PALLD: variants seen among roughly 807,000 people sequenced by gnomAD.
PALLD encodes the protein palladin, cytoskeletal associated protein.
In PALLD, 61 loss-of-function variants were observed where a neutral mutation model predicts 123.5. The ratio of observed to expected loss-of-function variants is 0.49; its 90% CI spans 0.40 to 0.61. PALLD has a LOEUF of 0.61. PALLD is among the 20% of genes least tolerant of loss of function. The probability of loss-of-function intolerance (pLI) is 0.00; values close to 1 mark genes in which losing one functional copy is unlikely to be tolerated. For synonymous variants in PALLD, 465 were observed against 496.4 expected (o/e 0.94, Z 0.84); for missense variants, 1,273 against 1,377.0 (o/e 0.92, Z 1.20).
intron 10 of PALLD, among the ~76,000 whole-genome samples, chr4:168,762,532 C>T (rs1733092249): frequency 1.3e-5 from 2 of 152,130 alleles, no homozygotes; most frequent in Admixed American, 1.3e-4. Context: ...ACAACAGATG[C>T]TGGAGAGGAT....
chr4:168,816,817 C>CGTGTGTGTGTGT (rs61010592), intron 10 of PALLD, among the ~76,000 whole-genome samples: 1 of 111,028 alleles, frequency 9.0e-6, no homozygotes, highest in Non-Finnish European at 1.8e-5. Context: ...GAGCTAGCCC[C>CGTGTGTGTGTGT]GTGTGTGTGT....
intron 10 of PALLD, among the ~76,000 whole-genome samples, chr4:168,816,283 G>C (rs1741900734): frequency 6.6e-6 from 1 of 151,964 alleles, no homozygotes; most frequent in Admixed American, 6.6e-5. Context: ...ACACAAGAGA[G>C]CAAAGGGAAC....
At chr4:168,859,453 G>A (rs1197956999) in intron 10 of PALLD, among the ~76,000 whole-genome samples, 2 of 152,236 alleles carry the variant, frequency 1.3e-5, no homozygotes, top group Admixed American at 6.5e-5. Flanking sequence ...TGCTGACCAT[G>A]TGTGGATGTC....
chr4:168,529,671 G>GAT (rs1301930475), intron 2 of PALLD, among the ~76,000 whole-genome samples: 1 of 152,108 alleles, frequency 6.6e-6, no homozygotes, highest in Non-Finnish European at 1.5e-5. Flanking sequence ...CAATTACATG[G>GAT]CTTCTGTAGT....
chr4:168,524,307 G>A (rs1763844323), intron 2 of PALLD, among the ~76,000 whole-genome samples: 1 of 152,140 alleles, frequency 6.6e-6, no homozygotes. Context: ...GTGATTTCAT[G>A]TTAGATTCAG....
At position 168,683,004 on chromosome 4, in the gene PALLD, A is replaced by G. The variant is rs1242036552; in HGVS notation, c.1161A>G (p.Gln387=). ...TCACCTTCCTATTTTCCAGAGCTCA[A>G]AAGAAAACAACTTCTGTTTCCTTGA... ...KSRAGAMPQA[Q]KKTTSVSLTI... The change falls in exon 5 of 22, where the codon CAA becomes CAG. Residue 387 remains glutamine, a synonymous_variant. Coordinates refer to ENST00000505667, the MANE Select transcript of PALLD (RefSeq NM_001166108.2). 1.9e-6 allele frequency: 3 copies of G among 1,604,486 alleles called. No individual in the cohort carries two copies. Among genetic ancestry groups the G allele is most frequent in the Non-Finnish European group, 2.6e-6 (3 of 1,171,340 alleles).
chr4:168,793,172 T>C (rs576232037), intron 10 of PALLD, among the ~76,000 whole-genome samples: 6 of 132,056 alleles, frequency 4.5e-5, no homozygotes, highest in East Asian at 4.4e-4. Flanking sequence ...CATATATATG[T>C]GTGCATATAT....
At chr4:168,784,973 C>T (rs982066679) in intron 10 of PALLD, among the ~76,000 whole-genome samples, 1 of 148,924 alleles carries the variant, frequency 6.7e-6, no homozygotes, top group Non-Finnish European at 1.5e-5. Flanking sequence ...CTGAGGAATG[C>T]TTCTGGTTGT....
intron 10 of PALLD, among the ~76,000 whole-genome samples, chr4:168,790,154 G>A (rs1335660241): frequency 2.7e-5 from 4 of 146,368 alleles, no homozygotes; most frequent in African/African-American, 1.0e-4. Flanking sequence ...AGATTTTGTG[G>A]TTTCTTTTTT....
chr4:168,906,704 A>T (rs1385002746), intron 15 of PALLD, among the ~76,000 whole-genome samples: 1 of 152,212 alleles, frequency 6.6e-6, no homozygotes, highest in African/African-American at 2.4e-5. Flanking sequence ...GGCTCACTGC[A>T]GCTTAGAACT....
intron 2 of PALLD, among the ~76,000 whole-genome samples, chr4:168,634,708 G>A (rs1392593284): frequency 1.3e-5 from 2 of 152,180 alleles, no homozygotes; most frequent in Non-Finnish European, 2.9e-5. Context: ...GTGATTTGGG[G>A]CTGGTTAGAG....
intron 2 of PALLD, among the ~76,000 whole-genome samples, chr4:168,542,958 C>T (rs1404182319): frequency 1.3e-5 from 2 of 151,656 alleles, no homozygotes; most frequent in Non-Finnish European, 2.9e-5. Context: ...AGACCTCTGC[C>T]TCTTCCATTT....
intron 2 of PALLD, among the ~76,000 whole-genome samples, chr4:168,649,501 T>TG (rs1293102482): frequency 6.6e-6 from 1 of 152,218 alleles, no homozygotes; most frequent in Non-Finnish European, 1.5e-5. Context: ...AGACATTAGT[T>TG]GCCTGCATCC....
chr4:168,613,442 T>C (rs1279387940), intron 2 of PALLD, among the ~76,000 whole-genome samples: 1 of 152,206 alleles, frequency 6.6e-6, no homozygotes, highest in Non-Finnish European at 1.5e-5. Flanking sequence ...AGCCTCAATC[T>C]TTACCTGTCC....
chr4:168,621,731 C>T (rs1335006975), intron 2 of PALLD, among the ~76,000 whole-genome samples: 1 of 152,174 alleles, frequency 6.6e-6, no homozygotes, highest in Non-Finnish European at 1.5e-5. Flanking sequence ...GCCAACCTCT[C>T]TCTTGGCAGG....
intron 2 of PALLD, among the ~76,000 whole-genome samples, chr4:168,659,978 G>T (rs762188130): frequency 1.3e-4 from 20 of 152,184 alleles, no homozygotes; most frequent in Non-Finnish European, 2.6e-4. Context: ...ACTAGAAAGT[G>T]TATCTTAGAC....
intron 9 of PALLD, among the ~76,000 whole-genome samples, 161 bp from the exon 10 acceptor site, chr4:168,711,420 T>C (rs572110501): frequency 6.6e-5 from 10 of 152,324 alleles, no homozygotes; most frequent in Admixed American, 3.3e-4. Flanking sequence ...AACCAGGCCC[T>C]CCAGCTGGCA....
At position 168,687,401 on chromosome 4, in the gene PALLD, T is replaced by G. The variant is rs116398562; in HGVS notation, c.1335+1842T>G. 5.0e-3 allele frequency among the ~76,000 whole-genome samples: 765 copies of G among 152,300 alleles called. 9 individuals are homozygous for G. Among genetic ancestry groups the G allele is most frequent in the African/African-American group, 0.017 (721 of 41,566 alleles). On this transcript the variant is annotated intron_variant, in intron 6 of 21. Coordinates refer to ENST00000505667, the MANE Select transcript of PALLD (RefSeq NM_001166108.2). The stretch of plus-strand genomic sequence containing the variant: ...TTTGATGTTTAGAACAGAAAATGTT[T>G]ACAGAGGGGTGGACACTCCACATTT...
chr4:168,774,168 T>C (rs1734841149), intron 10 of PALLD, among the ~76,000 whole-genome samples: 1 of 151,932 alleles, frequency 6.6e-6, no homozygotes, highest in African/African-American at 2.4e-5. Context: ...AATTTGTATA[T>C]ATAATGAATG....
Sources: gnomAD v4.1 joint callset for allele counts (sites outside exome capture counted in the v4.1 genomes callset) on GRCh38, gnomAD v4.1.1 for gene constraint, MANE v1.5 for transcripts, NCBI Gene and HGNC (gene_info 2026-07-23, HGNC 2026-07-21) for gene names.